The following FANCC variants were observed in gnomAD, a reference collection of about 807,000 sequenced individuals.
The protein encoded by FANCC is FA complementation group C, also known as Fanconi anemia group C protein.
Under a neutral mutation model 71.3 loss-of-function variants are expected in FANCC, and 55 were observed. The observed-to-expected ratio is 0.77, with a 90% CI of 0.62 to 0.97. FANCC has a LOEUF of 0.97. FANCC is among the 50% of genes least tolerant of loss of function. The probability of loss-of-function intolerance (pLI) is 0.00; values close to 1 mark genes in which losing one functional copy is unlikely to be tolerated. For synonymous variants in FANCC, 275 were observed against 244.9 expected (o/e 1.12, Z -1.15); for missense variants, 678 against 670.9 (o/e 1.01, Z -0.12).
At chr9:95,238,067 T>C (rs978371277) in intron 4 of FANCC, among the ~76,000 whole-genome samples, 4 of 152,212 alleles carry the variant, frequency 2.6e-5, no homozygotes, top group African/African-American at 7.2e-5. Flanking sequence ...TCATTCTCCG[T>C]TGCTTCTCTC....
chr9:95,109,084 A>ATTTAT (rs2071702284), intron 13 of FANCC, among the ~76,000 whole-genome samples: 1 of 151,782 alleles, frequency 6.6e-6, no homozygotes, highest in South Asian at 2.1e-4. Flanking sequence ...TAATTTCTTT[A>ATTTAT]TTTATTTTTT....
intron 4 of FANCC, among the ~76,000 whole-genome samples, chr9:95,173,564 T>C (rs1825825353): frequency 6.6e-6 from 1 of 152,172 alleles, no homozygotes; most frequent in Non-Finnish European, 1.5e-5. Flanking sequence ...GTAAAAATTG[T>C]CTAACAGCAG....
At chr9:95,260,266 A>G (rs1831940879) in intron 1 of FANCC, among the ~76,000 whole-genome samples, 1 of 152,222 alleles carries the variant, frequency 6.6e-6, no homozygotes, top group South Asian at 2.1e-4. Context: ...CACTATTCAC[A>G]ATAGCAAAGA....
At chr9:95,136,980 C>G (rs866726027) in intron 7 of FANCC, among the ~76,000 whole-genome samples, 1 of 152,154 alleles carries the variant, frequency 6.6e-6, no homozygotes, top group Admixed American at 6.5e-5. Flanking sequence ...ACCTGCACAT[C>G]CCAGACAGTG....
chr9:95,131,734 G>A (rs1428555606), intron 8 of FANCC, among the ~76,000 whole-genome samples: 1 of 152,212 alleles, frequency 6.6e-6, no homozygotes, highest in Admixed American at 6.5e-5. Context: ...ACCCTGGCAT[G>A]TTAGTGAAAA....
chr9:95,132,775 C>A (rs1051534660), intron 8 of FANCC, among the ~76,000 whole-genome samples: 2 of 152,190 alleles, frequency 1.3e-5, no homozygotes, highest in Non-Finnish European at 2.9e-5. Flanking sequence ...ATCAGACCTG[C>A]GAGTCCAAGA....
chr9:95,187,736 G>GCTCC (rs1294717144), intron 4 of FANCC, among the ~76,000 whole-genome samples: 1 of 151,998 alleles, frequency 6.6e-6, no homozygotes, highest in Admixed American at 6.6e-5. Flanking sequence ...AGAACCAGGA[G>GCTCC]AGGACAGCAT....
At position 95,156,920 on chromosome 9, in the gene FANCC, A is replaced by G. The variant is rs542815002; in HGVS notation, c.522-6833T>C. On this transcript the variant is annotated intron_variant, in intron 6 of 14. Transcript: ENST00000289081. ...ATCTGAAGTTCTCTGTCCACTTTTA[A>G]GATTTACAAATTGAAACAATTAAAT... is the stretch of plus-strand genomic sequence containing the variant. 4.6e-5 allele frequency among the ~76,000 whole-genome samples: 7 copies of G among 152,352 alleles called. No homozygotes were observed. In the South Asian group the frequency reaches 1.5e-3, roughly 32 times the overall value.
At chr9:95,134,924 T>C (rs1827446488) in intron 8 of FANCC, among the ~76,000 whole-genome samples, 1 of 152,242 alleles carries the variant, frequency 6.6e-6, no homozygotes. Flanking sequence ...CTTTAACCAT[T>C]TTTCTGGGGT....
At chr9:95,148,612 C>T (rs369484144) in intron 7 of FANCC, among the ~76,000 whole-genome samples, 39 of 152,250 alleles carry the variant, frequency 2.6e-4, no homozygotes, top group African/African-American at 9.1e-4. Flanking sequence ...GCAGTAATGA[C>T]TATAGGTTTT....
At chr9:95,249,434 A>G in intron 1 of FANCC, 65 bp from the exon 2 acceptor site, 1 of 776,890 alleles carries the variant, frequency 1.3e-6, no homozygotes, top group Middle Eastern at 2.4e-4. Flanking sequence ...TTCACGACCC[A>G]TTGATGGGTG....
At chr9:95,262,527 A>G (rs549261892) in intron 1 of FANCC, among the ~76,000 whole-genome samples, 1 of 152,304 alleles carries the variant, frequency 6.6e-6, no homozygotes, top group East Asian at 1.9e-4. Context: ...GCTGGTAGGA[A>G]TGTAAAATGG....
chr9:95,205,118 A>G (rs1828039451), intron 4 of FANCC, among the ~76,000 whole-genome samples: 1 of 152,262 alleles, frequency 6.6e-6, no homozygotes, highest in Non-Finnish European at 1.5e-5. Flanking sequence ...CTATACAGGT[A>G]TGATTGTAAA....
intron 1 of FANCC, among the ~76,000 whole-genome samples, chr9:95,254,986 T>C (rs1334523073): frequency 2.6e-5 from 4 of 152,148 alleles, no homozygotes; most frequent in African/African-American, 4.8e-5. Context: ...AAAGCCGCTG[T>C]AGCCAGACTG....
At chr9:95,116,352 G>C (rs2072417113) in intron 11 of FANCC, among the ~76,000 whole-genome samples, 1 of 152,164 alleles carries the variant, frequency 6.6e-6, no homozygotes, top group Non-Finnish European at 1.5e-5. Flanking sequence ...CCCACCCCTA[G>C]CTCCAGCATC....
chr9:95,223,285 T>C (rs1043348932), intron 4 of FANCC, among the ~76,000 whole-genome samples: 14 of 152,156 alleles, frequency 9.2e-5, no homozygotes, highest in Non-Finnish European at 1.8e-4. Context: ...TGTGAGGAAA[T>C]GCCTCTCCCT....
intron 4 of FANCC, among the ~76,000 whole-genome samples, chr9:95,191,948 C>T (rs898254639): frequency 8.5e-5 from 13 of 152,120 alleles, no homozygotes; most frequent in Non-Finnish European, 2.9e-5. Flanking sequence ...CTTCCTCCCC[C>T]GAGATCCATT....
At chr9:95,277,890 A>G (rs929778162) in intron 1 of FANCC, among the ~76,000 whole-genome samples, 2 of 152,160 alleles carry the variant, frequency 1.3e-5, no homozygotes, top group Non-Finnish European at 2.9e-5. Flanking sequence ...TAGAAAACCC[A>G]CTTTGCAAAA....
chr9:95,224,218 G>A (rs1010841027), intron 4 of FANCC, among the ~76,000 whole-genome samples: 10 of 152,164 alleles, frequency 6.6e-5, no homozygotes, highest in East Asian at 1.9e-4. Context: ...AGTCCCTGGC[G>A]TGTCTCAGAA....
Sources: allele counts gnomAD v4.1 joint callset (sites outside exome capture counted in the v4.1 genomes callset), GRCh38; gene constraint gnomAD v4.1.1; transcripts MANE v1.5; gene names NCBI Gene and HGNC (gene_info 2026-07-23, HGNC 2026-07-21).